BAHCC1: variants seen among roughly 807,000 people sequenced by gnomAD.
BAHCC1 encodes BAH and coiled-coil domain-containing protein 1.
Under a neutral mutation model 88.2 loss-of-function variants are expected in BAHCC1, and 43 were observed. The ratio of observed to expected loss-of-function variants is 0.49; its 90% CI spans 0.38 to 0.63. The LOEUF is 0.63. Among genes scored for constraint, BAHCC1 ranks in the 20% least tolerant of loss-of-function variants. The pLI is 0.00. For synonymous variants in BAHCC1, 1,510 were observed against 745.5 expected (o/e 2.03, Z -16.71); for missense variants, 3,023 against 1,654.8 (o/e 1.83, Z -14.34).
At chr17:81,403,068 C>G (rs1055880703) in intron 2 of BAHCC1, 7 of 152,338 alleles carry the variant, frequency 4.6e-5, no homozygotes, top group Middle Eastern at 6.8e-3. Flanking sequence ...GAGAAATCAA[C>G]AAGAACCAAC....
chr17:81,447,503 G>T lies in BAHCC1; in HGVS notation c.3631G>T (p.Gly1211Cys). Reference sequence around the variant, plus strand: ...CCTGGAGCAGCGAGCAGGGAGTCCGGGTGCCCTTGAGGACGAGGGGGAGCA... The same window carrying T: ...CCTGGAGCAGCGAGCAGGGAGTCCGTGTGCCCTTGAGGACGAGGGGGAGCA... ...QVLEQRAGSP[G>C]ALEDEGEQPA... The change falls in exon 11 of 28, where the codon GGT (glycine) becomes TGT (cysteine). Residue 1211 changes from glycine to cysteine, a missense_variant. Gly to Cys is a radical substitution (Grantham distance 159). Transcript: ENST00000675386. The T allele has an allele frequency of 1.3e-6, 1 of 747,596 alleles. No homozygotes were observed. The highest frequency in any genetic ancestry group is 2.5e-6 in the Non-Finnish European group (1 of 402,240). The allele number at this position is 747,596 out of a possible 1,614,324, so 46.3% of individuals were successfully genotyped here.
At chr17:81,449,359 C>T (rs141794423) in intron 11 of BAHCC1, among the ~76,000 whole-genome samples, 1 of 152,064 alleles carries the variant, frequency 6.6e-6, no homozygotes, top group Non-Finnish European at 1.5e-5. Context: ...AGAGCTGATC[C>T]CTACAAGTGT....
intron 5 of BAHCC1, 45 bp downstream of exon 5, chr17:81,443,609 G>A (rs2064465955): frequency 1.6e-6 from 1 of 621,428 alleles, no homozygotes; most frequent in African/African-American, 1.8e-5. Context: ...GACAGTCTAG[G>A]GGGCCCAGCT....
At chr17:81,462,385 G>C (rs782036423) in intron 26 of BAHCC1, among the ~76,000 whole-genome samples, 39 of 152,236 alleles carry the variant, frequency 2.6e-4, no homozygotes, top group Non-Finnish European at 1.8e-4. Flanking sequence ...TCAGATGCCT[G>C]CGTCTGTCCT....
rs554879212 is a variant in BAHCC1, at chr17:81,454,123, C to T, written c.4446-1144C>T. ...GAAAGGTGAGAGGCCAAGCCCCCAGCCCCTGTCTAGCCAAGAACAGGCAGA... is the reference window on the plus strand; with the variant it reads ...GAAAGGTGAGAGGCCAAGCCCCCAGTCCCTGTCTAGCCAAGAACAGGCAGA... On this transcript the variant is annotated intron_variant, in intron 14 of 27. Coordinates refer to ENST00000675386, the MANE Select transcript of BAHCC1 (RefSeq NM_001377448.1). 5.1e-4 allele frequency among the ~76,000 whole-genome samples: 77 copies of T among 152,348 alleles called. 1 individual carries two copies. The South Asian group carries it at 0.015, about 30-fold the overall frequency.
chr17:81,448,389 G>A (rs976007831), intron 11 of BAHCC1, among the ~76,000 whole-genome samples: 23 of 152,250 alleles, frequency 1.5e-4, no homozygotes, highest in Middle Eastern at 3.4e-3. Context: ...AAGGACAGCC[G>A]GACAACAGTG....
rs376519774 is a variant in BAHCC1, at chr17:81,438,452, C to T, written c.441C>T (p.Asn147=). The part of the protein sequence containing the change: ...VSHLDHHGNS[N]VLYGQHRFYG... ...ACTTGGATCACCATGGAAACAGCAA[C>T]GTTCTCTATGGGCAGCACCGTTTCT... The change falls in exon 4 of 28, where the codon AAC becomes AAT. Residue 147 remains asparagine (N), a synonymous_variant. Coordinates refer to ENST00000675386, the MANE Select transcript of BAHCC1 (RefSeq NM_001377448.1). The T allele has an allele frequency of 1.9e-4, 148 of 776,532 alleles. No individual in the cohort carries two copies. Among genetic ancestry groups the T allele is most frequent in the Non-Finnish European group, 2.7e-4 (111 of 416,538 alleles). The allele number at this position is 776,532 out of a possible 1,614,324, so 48.1% of individuals were successfully genotyped here. A position where few individuals can be genotyped will look rare whatever the true frequency, so the allele number is the denominator to read the frequency against.
chr17:81,408,232 G>A (rs1555647217), intron 2 of BAHCC1, among the ~76,000 whole-genome samples: 1 of 152,184 alleles, frequency 6.6e-6, no homozygotes, highest in African/African-American at 2.4e-5. Flanking sequence ...TCGGGGCCAG[G>A]TCTGGTCCCG....
chr17:81,446,729 T>G (rs1310370028), intron 10 of BAHCC1: 2 of 524,280 alleles, frequency 3.8e-6, no homozygotes, highest in African/African-American at 1.9e-5. Context: ...TTCTTTAATT[T>G]TTTTGTAGTG....
At chr17:81,408,214 C>T (rs1330837037) in intron 2 of BAHCC1, among the ~76,000 whole-genome samples, 3 of 152,182 alleles carry the variant, frequency 2.0e-5, no homozygotes, top group Admixed American at 6.5e-5. Flanking sequence ...CAGTGCGTGG[C>T]GAATGCCTCG....
chr17:81,416,624 A>C (rs200935692), intron 2 of BAHCC1, among the ~76,000 whole-genome samples: 12 of 152,052 alleles, frequency 7.9e-5, no homozygotes, highest in African/African-American at 2.9e-4. Context: ...GTGTGTGTCC[A>C]TGAGGATGGG....
chr17:81,461,015 G>T lies in BAHCC1; in HGVS notation c.6352G>T (p.Val2118Leu), dbSNP rs782032560. Residue 2118 changes from valine to leucine, a missense_variant, in exon 26 of 28, where the codon GTG (valine) becomes TTG (leucine). Transcript: ENST00000675386. ...GGCAGCGGCCAGCAAGGGGCCGGGGGTGCTGCAGAACCTCTTCCAGCTCAA... is the reference window on the plus strand; with the variant it reads ...GGCAGCGGCCAGCAAGGGGCCGGGGTTGCTGCAGAACCTCTTCCAGCTCAA... ...AVAAASKGPG[V>L]LQNLFQLNGS... 1.3e-6 allele frequency: 1 copy of T among 773,378 alleles called. No individual in the cohort carries two copies. The highest frequency in any genetic ancestry group is 2.4e-6 in the Non-Finnish European group (1 of 417,128). The allele number at this position is 773,378 out of a possible 1,614,324, so 47.9% of individuals were successfully genotyped here.
rs1555652696 is a variant in BAHCC1, at chr17:81,442,207, C to T, written c.858C>T (p.Asn286=). 3.1e-6 allele frequency: 2 copies of T among 655,412 alleles called. No individual in the cohort carries two copies. Among genetic ancestry groups the T allele is most frequent in the South Asian group, 3.4e-5 (2 of 58,468 alleles). The allele number at this position is 655,412 out of a possible 1,614,324, so 40.6% of individuals were successfully genotyped here. A position where few individuals can be genotyped will look rare whatever the true frequency, so the allele number is the denominator to read the frequency against. The change falls in exon 5 of 28, where the codon AAC becomes AAT. Residue 286 remains asparagine (N), a synonymous_variant. Transcript: ENST00000675386. The stretch of plus-strand genomic sequence containing the variant: ...AGCACCTCACCTCCTGCCTCCTCAA[C>T]ACCAAGGTGCTCAACGGCGAGATGG... ...RPKHLTSCLL[N]TKVLNGEMGR...
chr17:81,433,237 C>T (rs144539368), intron 3 of BAHCC1, among the ~76,000 whole-genome samples: 3 of 152,192 alleles, frequency 2.0e-5, no homozygotes, highest in East Asian at 1.9e-4. Flanking sequence ...ACTCATGTCC[C>T]GGGAGCTGCA....
chr17:81,452,085 C>G lies in BAHCC1; in HGVS notation c.4294C>G (p.Leu1432Val). ...YKEKQRELAR[L>V]QRKHDHERDE... ...GGAGAAGCAGCGGGAGCTGGCCCGC[C>G]TGCAGCGCAAGCACGACCATGAGTA... Residue 1432 changes from leucine (L) to valine (V), a missense_variant, in exon 13 of 28, where the codon CTG (leucine) becomes GTG (valine). Physicochemically the swap from Leu to Val is conservative, Grantham distance 32. Transcript: ENST00000675386. 3.1e-6 allele frequency: 2 copies of G among 636,406 alleles called. No individual in the cohort carries two copies. Among genetic ancestry groups the G allele is most frequent in the Non-Finnish European group, 5.6e-6 (2 of 359,870 alleles). The allele number at this position is 636,406 out of a possible 1,614,324, so 39.4% of individuals were successfully genotyped here.
rs2030248849 is a variant in BAHCC1, at chr17:81,461,351, G to A, written c.6688G>A (p.Asp2230Asn). The A allele has an allele frequency of 1.4e-6, 1 of 730,516 alleles. No homozygotes were observed. Among genetic ancestry groups the A allele is most frequent in the Non-Finnish European group, 2.5e-6 (1 of 396,242 alleles). The allele number at this position is 730,516 out of a possible 1,614,324, so 45.3% of individuals were successfully genotyped here. A position where few individuals can be genotyped will look rare whatever the true frequency, so the allele number is the denominator to read the frequency against. The change falls in exon 26 of 28, where the codon GAC becomes AAC. Residue 2230 changes from aspartate (D) to asparagine (N), a missense_variant. Transcript: ENST00000675386. ...GACCTGCAAGGCGTTGCTCATGGGG[G>A]ACAAGGACTTCAGCCCCAAGCTCGG... ...NKTCKALLMG[D>N]KDFSPKLGRP...
rs782638915 is a variant in BAHCC1 at position 81,411,095 on chromosome 17, C to A, written c.178+11178C>A. On this transcript the variant is annotated intron_variant, in intron 2 of 27. Transcript: ENST00000675386. This position sits in a 1 kb window ranked among gnomAD's most constrained non-coding sequence, Gnocchi z 6.2. ...GGTCCCTCTCTCTGGGGTCACGCTCCCTTGTTCTCAGTCCCGCAGCCGTCC... is the reference window on the plus strand; with the variant it reads ...GGTCCCTCTCTCTGGGGTCACGCTCACTTGTTCTCAGTCCCGCAGCCGTCC... 3 of 519,454 alleles carry A rather than the reference C, an allele frequency of 5.8e-6. No homozygotes were observed. The highest frequency in any genetic ancestry group is 1.2e-5 in the Non-Finnish European group (3 of 259,800). 32.2% of individuals were successfully genotyped at this position (519,454 alleles called of 1,614,324 possible).
chr17:81,404,238 T>C (rs1460674425), intron 2 of BAHCC1, among the ~76,000 whole-genome samples: 2 of 152,132 alleles, frequency 1.3e-5, no homozygotes, highest in Non-Finnish European at 2.9e-5. Context: ...GAGCTAAAAA[T>C]ATTCCAGGCT....
chr17:81,438,333 G>A (rs1339758391), intron 3 of BAHCC1, 37 bp from the exon 4 acceptor site: 1 of 776,618 alleles, frequency 1.3e-6, no homozygotes, highest in African/African-American at 1.7e-5. Flanking sequence ...CAGGGGGCTG[G>A]GAGTTGCCTC....
Sources: allele counts gnomAD v4.1 joint callset (sites outside exome capture counted in the v4.1 genomes callset), GRCh38; gene constraint gnomAD v4.1.1; non-coding constraint Gnocchi (gnomAD v3.1); transcripts MANE v1.5; gene names NCBI Gene and HGNC (gene_info 2026-07-23, HGNC 2026-07-21).